AKAP6: variants seen among roughly 807,000 people sequenced by gnomAD.
The protein encoded by AKAP6 is A-kinase anchor protein 6.
AKAP6 carries 58 observed loss-of-function variants against 188.5 expected under a neutral mutation model. The observed-to-expected ratio is 0.31, with a 90% CI of 0.25 to 0.38. The LOEUF (loss-of-function observed/expected upper bound fraction) is 0.38, where lower values mean the gene tolerates loss of function less well. Ranked by LOEUF, AKAP6 falls within the 10% of genes least tolerant of loss-of-function variation. The probability of loss-of-function intolerance (pLI) is 1.00; values close to 1 mark genes in which losing one functional copy is unlikely to be tolerated. For synonymous variants in AKAP6, 989 were observed against 998.6 expected (o/e 0.99, Z 0.18); for missense variants, 2,710 against 2,740.0 (o/e 0.99, Z 0.24).
chr14:32,493,926 G>A (rs961046825), intron 2 of AKAP6, among the ~76,000 whole-genome samples: 2 of 152,132 alleles, frequency 1.3e-5, no homozygotes, highest in African/African-American at 4.8e-5. Context: ...TGGGAGCACT[G>A]AGGAGGGGTC....
rs1157533363 is a variant in AKAP6 at position 32,833,788 on chromosome 14, G to T, written c.*3983G>T. 6.6e-6 allele frequency: 1 copy of T among 151,868 alleles called. No homozygotes were observed. Among genetic ancestry groups the T allele is most frequent in the Admixed American group, 6.6e-5 (1 of 15,258 alleles). 9.4% of individuals were successfully genotyped at this position (151,868 alleles called of 1,614,324 possible). A position where few individuals can be genotyped will look rare whatever the true frequency, so the allele number is the denominator to read the frequency against. ...AATTCTTATATTTTAAATATAAATC[G>T]AACCAACTAAATTTACCGCTATATT... On this transcript the variant is annotated 3_prime_UTR_variant, in exon 14 of 14. Coordinates refer to ENST00000280979, the MANE Select transcript of AKAP6 (RefSeq NM_004274.5).
At chr14:32,802,628 G>A (rs1181495205) in intron 12 of AKAP6, among the ~76,000 whole-genome samples, 1 of 152,004 alleles carries the variant, frequency 6.6e-6, no homozygotes, top group Non-Finnish European at 1.5e-5. Flanking sequence ...CTTTGGCCTA[G>A]TATTTATCTT....
intron 2 of AKAP6, among the ~76,000 whole-genome samples, chr14:32,475,978 T>C (rs548293466): frequency 1.3e-5 from 2 of 152,114 alleles, no homozygotes; most frequent in African/African-American, 2.4e-5. Context: ...CCACTGCGCC[T>C]GGCCTTCAGC....
At chr14:32,569,396 A>G (rs538849310) in intron 4 of AKAP6, among the ~76,000 whole-genome samples, 24 of 152,308 alleles carry the variant, frequency 1.6e-4, no homozygotes, top group African/African-American at 5.5e-4. Flanking sequence ...TTCTAAAAGC[A>G]TACACGATCT....
chr14:32,650,511 T>C (rs1006539421), intron 7 of AKAP6, among the ~76,000 whole-genome samples: 8 of 152,118 alleles, frequency 5.3e-5, no homozygotes, highest in Non-Finnish European at 1.2e-4. Context: ...CTTGGGAGGC[T>C]GAGGCAGGAG....
chr14:32,421,847 C>T (rs1368422418), intron 1 of AKAP6, among the ~76,000 whole-genome samples: 1 of 152,144 alleles, frequency 6.6e-6, no homozygotes, highest in Non-Finnish European at 1.5e-5. Context: ...TCTAGTCTCT[C>T]GACTGGAGGG....
At chr14:32,540,126 C>G (rs377642498) in intron 3 of AKAP6, among the ~76,000 whole-genome samples, 1 of 130,388 alleles carries the variant, frequency 7.7e-6, no homozygotes, top group South Asian at 2.5e-4. Flanking sequence ...GTTCTTTGCT[C>G]GTGCGCTCTC....
intron 7 of AKAP6, among the ~76,000 whole-genome samples, chr14:32,636,055 A>G (rs1438942158): frequency 6.6e-6 from 1 of 152,084 alleles, no homozygotes; most frequent in African/African-American, 2.4e-5. Context: ...AGGACTTTGT[A>G]TTTTGCCCAG....
chr14:32,772,467 T>C (rs1161039296), intron 11 of AKAP6, among the ~76,000 whole-genome samples: 1 of 152,134 alleles, frequency 6.6e-6, no homozygotes, highest in Non-Finnish European at 1.5e-5. Flanking sequence ...TCAGAAATAT[T>C]AAAGGTACAG....
At chr14:32,469,366 C>T (rs73261497) in intron 2 of AKAP6, among the ~76,000 whole-genome samples, 2,010 of 152,138 alleles carry the variant, frequency 0.013, 45 homozygotes, top group African/African-American at 0.046. Flanking sequence ...GATAGGCACA[C>T]AAAAGTTTAT....
At chr14:32,716,161 A>T (rs1302354135) in intron 9 of AKAP6, among the ~76,000 whole-genome samples, 17 of 151,934 alleles carry the variant, frequency 1.1e-4, no homozygotes, top group Non-Finnish European at 2.9e-5. Flanking sequence ...CTTAATCAAT[A>T]GCCTTTTATC....
intron 1 of AKAP6, among the ~76,000 whole-genome samples, chr14:32,335,202 G>C (rs966975986): frequency 3.3e-5 from 5 of 152,126 alleles, no homozygotes; most frequent in African/African-American, 1.2e-4. Flanking sequence ...TGCTGGGCAG[G>C]CTTTATGGGT....
At chr14:32,572,507 C>A (rs940268390) in intron 4 of AKAP6, among the ~76,000 whole-genome samples, 3 of 152,216 alleles carry the variant, frequency 2.0e-5, no homozygotes, top group Non-Finnish European at 4.4e-5. Flanking sequence ...CATATGACAG[C>A]CTTGCCAGAG....
At chr14:32,598,077 C>T (rs1240558768) in intron 5 of AKAP6, among the ~76,000 whole-genome samples, 1 of 152,134 alleles carries the variant, frequency 6.6e-6, no homozygotes, top group African/African-American at 2.4e-5. Flanking sequence ...ATAGAATGGG[C>T]ACAGTACATA....
intron 7 of AKAP6, among the ~76,000 whole-genome samples, chr14:32,609,305 T>C (rs1423754401): frequency 6.6e-6 from 1 of 152,212 alleles, no homozygotes; most frequent in Non-Finnish European, 1.5e-5. Flanking sequence ...TCAGTTGGAA[T>C]ATACCCATTT....
chr14:32,749,837 C>T (rs2032058347), intron 11 of AKAP6, among the ~76,000 whole-genome samples: 1 of 152,136 alleles, frequency 6.6e-6, no homozygotes, highest in Non-Finnish European at 1.5e-5. Context: ...ATAGGCCTAG[C>T]CTCTTCCTTT....
At chr14:32,466,911 G>A (rs1032156044) in intron 2 of AKAP6, among the ~76,000 whole-genome samples, 1 of 142,162 alleles carries the variant, frequency 7.0e-6, no homozygotes, top group African/African-American at 2.8e-5. Context: ...AACAATTGAG[G>A]AAATATATAC....
In AKAP6 at chr14:32,643,251, G is replaced by A. The variant is rs116534295; in HGVS notation, c.2731-35060G>A. 1.0e-2 allele frequency among the ~76,000 whole-genome samples: 1,518 copies of A among 152,054 alleles called. 23 individuals carry two copies. Among genetic ancestry groups the A allele is most frequent in the African/African-American group, 0.035 (1,449 of 41,484 alleles). On this transcript the variant is annotated intron_variant, in intron 7 of 13. Transcript: ENST00000280979. ...TTATCTTGAGAAAGGTATTCTGTTTGCCACCTTCTCTTCTTTTTGTTTTGC... is the reference window on the plus strand; with the variant it reads ...TTATCTTGAGAAAGGTATTCTGTTTACCACCTTCTCTTCTTTTTGTTTTGC...
chr14:32,529,963 CTTTTTTT>C (rs11305618), intron 2 of AKAP6, among the ~76,000 whole-genome samples: 17 of 62,008 alleles, frequency 2.7e-4, no homozygotes, highest in South Asian at 7.2e-4. Flanking sequence ...GGTAAAGAAA[CTTTTTTT>C]TTTTTTTTTT....
Sources: allele counts gnomAD v4.1 joint callset (sites outside exome capture counted in the v4.1 genomes callset), GRCh38; gene constraint gnomAD v4.1.1; transcripts MANE v1.5; gene names NCBI Gene and HGNC (gene_info 2026-07-23, HGNC 2026-07-21).